PXN: variants seen among roughly 807,000 people sequenced by gnomAD.
The protein encoded by PXN is paxillin.
A neutral mutation model predicts 103.6 loss-of-function variants in PXN; 61 were observed. That is an observed-to-expected ratio of 0.59 (90% CI 0.48 to 0.73). The LOEUF (loss-of-function observed/expected upper bound fraction) is 0.73, where lower values mean the gene tolerates loss of function less well. Ranked by LOEUF, PXN falls within the 30% of genes least tolerant of loss-of-function variation. PXN has a pLI of 0.00. For missense variants in PXN, 1,274 were observed against 1,460.3 expected (o/e 0.87, Z 2.08); for synonymous variants, 562 against 607.8 (o/e 0.92, Z 1.11).
intron 1 of PXN, among the ~76,000 whole-genome samples, chr12:120,232,536 A>G (rs1001879847): frequency 6.6e-6 from 1 of 152,224 alleles, no homozygotes; most frequent in African/African-American, 2.4e-5. Context: ...TAAAACCCAG[A>G]TTCACATACA....
chr12:120,246,325 G>C (rs906523398), intron 1 of PXN, among the ~76,000 whole-genome samples: 1 of 151,664 alleles, frequency 6.6e-6, no homozygotes, highest in Non-Finnish European at 1.5e-5. Context: ...TCAGGAGTTC[G>C]AGTCCAGCCT....
In PXN at chr12:120,229,335, G is replaced by A. The variant is rs534862805; in HGVS notation, c.14-4958C>T. Among the ~76,000 whole-genome samples the A allele has an allele frequency of 6.6e-6, 1 of 152,206 alleles. No individual in the cohort carries two copies. The highest frequency in any genetic ancestry group is 1.5e-5 in the Non-Finnish European group (1 of 68,042). On this transcript the variant is annotated intron_variant, in intron 1 of 14. Transcript: ENST00000637617. The surrounding 1 kb of genome is among the most constrained non-coding windows in gnomAD (Gnocchi z 4.0). ...AAGCCCCTGCCACTTCTTAGTGTGT[G>A]ATAAAGACTATCAAGACCAGAGGCC...
rs919417217 is a variant in PXN at position 120,213,419 on chromosome 12, C to T, written c.2979+423G>A. 6.6e-6 allele frequency among the ~76,000 whole-genome samples: 1 copy of T among 152,236 alleles called. No homozygotes were observed. Among genetic ancestry groups the T allele is most frequent in the African/African-American group, 2.4e-5 (1 of 41,460 alleles). ...AAAGAAAAGGCTCTGAGAAGTCCTG[C>T]AGGGAACAGTGTTTCCCAAACTCAT... is the stretch of plus-strand genomic sequence containing the variant. On this transcript the variant is annotated intron_variant, in intron 14 of 14. Coordinates refer to ENST00000637617, the MANE Select transcript of PXN (RefSeq NM_001385981.1). The surrounding 1 kb of genome is among the most constrained non-coding windows in gnomAD (Gnocchi z 4.2).
chr12:120,241,518 T>C (rs978730375), intron 1 of PXN, among the ~76,000 whole-genome samples: 1 of 152,102 alleles, frequency 6.6e-6, no homozygotes, highest in Non-Finnish European at 1.5e-5. Flanking sequence ...CACAAACACA[T>C]AGTGTGCACG....
rs780157149 is a variant in PXN, at chr12:120,219,193, G to A, written c.1716+14C>T. ...CAATGGCCATGCCCAGCAGCCATGCGAGCTGGTGCCTGCCTGGCCAGAGGT... is the reference window on the plus strand; with the variant it reads ...CAATGGCCATGCCCAGCAGCCATGCAAGCTGGTGCCTGCCTGGCCAGAGGT... On this transcript the variant is annotated intron_variant, in intron 7 of 14. Transcript: ENST00000637617. The surrounding 1 kb of genome is among the most constrained non-coding windows in gnomAD (Gnocchi z 6.5). 3.2e-6 allele frequency: 5 copies of A among 1,549,074 alleles called. No individual in the cohort carries two copies. Among genetic ancestry groups the A allele is most frequent in the East Asian group, 2.3e-5 (1 of 44,152 alleles).
At chr12:120,257,968 G>C (rs566834360) in intron 1 of PXN, among the ~76,000 whole-genome samples, 1 of 152,104 alleles carries the variant, frequency 6.6e-6, no homozygotes, top group African/African-American at 2.4e-5. Flanking sequence ...CAAGGCGGGC[G>C]GATCACCTGA....
chr12:120,244,914 T>C (rs1048035093), intron 1 of PXN, among the ~76,000 whole-genome samples: 7 of 152,026 alleles, frequency 4.6e-5, no homozygotes, highest in African/African-American at 1.7e-4. Flanking sequence ...GGCTGGAGCA[T>C]AGCCCCTTGT....
Position 120,212,163 on chromosome 12 carries a change from C to T in PXN, c.*151G>A. The T allele has an allele frequency of 8.3e-7, 1 of 1,204,654 alleles. No individual in the cohort carries two copies. Among genetic ancestry groups the T allele is most frequent in the Non-Finnish European group, 1.2e-6 (1 of 850,228 alleles). The allele number at this position is 1,204,654 out of a possible 1,614,324, so 74.6% of individuals were successfully genotyped here. ...GGGGTGAAGACAAGCAGGGGGACCC[C>T]TCACGGCCCTCTGTCCATCCCGCAC... On this transcript the variant is annotated 3_prime_UTR_variant, in exon 15 of 15. Transcript: ENST00000637617. This position sits in a 1 kb window ranked among gnomAD's most constrained non-coding sequence, Gnocchi z 7.2.
intron 1 of PXN, among the ~76,000 whole-genome samples, chr12:120,231,214 T>C (rs1887979703): frequency 6.6e-6 from 1 of 152,194 alleles, no homozygotes. Context: ...CCATTCCTAG[T>C]AGCATGCTCT....
At chr12:120,257,344 C>G (rs987110347) in intron 1 of PXN, among the ~76,000 whole-genome samples, 1 of 152,200 alleles carries the variant, frequency 6.6e-6, no homozygotes, top group Non-Finnish European at 1.5e-5. Context: ...AGCATCACCC[C>G]CTCCCCCATA....
At chr12:120,233,449 G>A (rs1316748106) in intron 1 of PXN, among the ~76,000 whole-genome samples, 12 of 152,158 alleles carry the variant, frequency 7.9e-5, no homozygotes, top group Admixed American at 7.9e-4. Context: ...TGGAACTACA[G>A]GTACACACCA....
chr12:120,244,604 C>T (rs1890733512), intron 1 of PXN, among the ~76,000 whole-genome samples: 1 of 150,310 alleles, frequency 6.7e-6, no homozygotes, highest in East Asian at 2.0e-4. Context: ...GCAGAGATCG[C>T]ACCACTGCAC....
rs1008217361 is a variant in PXN, at chr12:120,214,908, G to A, written c.2665C>T (p.Arg889Trp). The A allele has an allele frequency of 9.9e-6, 16 of 1,613,894 alleles. No homozygotes were observed. The highest frequency in any genetic ancestry group is 2.2e-5 in the East Asian group (1 of 44,896). ...TTTTCACAGTAGGGCTGTCCATCCC[G>A]CTCGAAGAAGTTCCGGGATCCGATC... ...EEIGSRNFFERDGQPYCEKDY... is the reference protein window; with the variant it reads ...EEIGSRNFFEWDGQPYCEKDY... Residue 889 changes from arginine (R) to tryptophan (W), a missense_variant, in exon 12 of 15, where the codon CGG becomes TGG. Around this residue, in one of 2 missense-constraint regions of PXN, gnomAD observed 1,178 missense variants for 1,309.0 expected, o/e 0.90. Transcript: ENST00000637617. The surrounding 1 kb of genome is among the most constrained non-coding windows in gnomAD (Gnocchi z 5.0).
chr12:120,261,722 A>C (rs1013436210), intron 1 of PXN, among the ~76,000 whole-genome samples: 1 of 152,158 alleles, frequency 6.6e-6, no homozygotes, highest in African/African-American at 2.4e-5. Context: ...CAGTCTCTTC[A>C]ATGCATGACC....
rs558987687 is a variant in PXN, at chr12:120,228,919, G to A, written c.14-4542C>T. 5.9e-5 allele frequency among the ~76,000 whole-genome samples: 9 copies of A among 152,298 alleles called. No homozygotes were observed. Among genetic ancestry groups the A allele is most frequent in the African/African-American group, 1.4e-4 (6 of 41,564 alleles). On this transcript the variant is annotated intron_variant, in intron 1 of 14. Coordinates refer to ENST00000637617, the MANE Select transcript of PXN (RefSeq NM_001385981.1). This position sits in a 1 kb window ranked among gnomAD's most constrained non-coding sequence, Gnocchi z 4.7. ...TGGCTGGGCAGAAACAGTGCACTAC[G>A]GCCAGGCTGAGAGGAAGAAGCCCTT...
At position 120,216,171 on chromosome 12, in the gene PXN, G is replaced by A; in HGVS notation, c.2301+102C>T. ...GGGGCTTGTAGATGGAGGGATGGAG[G>A]GTATCTGTGTATGTGTGTGTGCACG... On this transcript the variant is annotated intron_variant, in intron 9 of 14. Transcript: ENST00000637617. This position sits in a 1 kb window ranked among gnomAD's most constrained non-coding sequence, Gnocchi z 5.1. 3.9e-6 allele frequency: 5 copies of A among 1,266,044 alleles called. No individual in the cohort carries two copies. Among genetic ancestry groups the A allele is most frequent in the Non-Finnish European group, 3.0e-6 (3 of 1,007,982 alleles). 78.4% of individuals were successfully genotyped at this position (1,266,044 alleles called of 1,614,324 possible).
intron 1 of PXN, among the ~76,000 whole-genome samples, chr12:120,263,879 C>T (rs1279381265): frequency 3.3e-5 from 5 of 152,164 alleles, no homozygotes; most frequent in African/African-American, 9.7e-5. Flanking sequence ...TGAAACAGCA[C>T]GGGGACTGCC....
At chr12:120,230,902 C>T (rs1887903835) in intron 1 of PXN, among the ~76,000 whole-genome samples, 1 of 152,160 alleles carries the variant, frequency 6.6e-6, no homozygotes, top group African/African-American at 2.4e-5. Context: ...GCCTTCCCTG[C>T]CAATTTGGGT....
chr12:120,226,208 G>A, intron 1 of PXN: 1 of 1,252,830 alleles, frequency 8.0e-7, no homozygotes, highest in Admixed American at 2.6e-5. Context: ...ATCAGCAATG[G>A]GTGGATCCCT....
Sources: allele counts gnomAD v4.1 joint callset (sites outside exome capture counted in the v4.1 genomes callset), GRCh38; gene constraint gnomAD v4.1.1; regional missense constraint gnomAD v4.1.1; non-coding constraint Gnocchi (gnomAD v3.1); transcripts MANE v1.5; gene names NCBI Gene and HGNC (gene_info 2026-07-23, HGNC 2026-07-21).